The following NTM variants were observed in gnomAD, a reference collection of about 807,000 sequenced individuals.
The protein encoded by NTM is neurotrimin, also known as IgLON family member 2.
A neutral mutation model predicts 42.1 loss-of-function variants in NTM; 13 were observed. The ratio of observed to expected loss-of-function variants is 0.31; its 90% CI spans 0.20 to 0.49. NTM has a LOEUF of 0.49. Among genes scored for constraint, NTM ranks in the 20% least tolerant of loss-of-function variants. NTM has a pLI of 0.99. For synonymous variants in NTM, 187 were observed against 179.2 expected (o/e 1.04, Z -0.35); for missense variants, 373 against 452.8 (o/e 0.82, Z 1.60).
At chr11:131,795,572 G>A (rs1333254156) in intron 1 of NTM, 4 of 985,284 alleles carry the variant, frequency 4.1e-6, no homozygotes, top group African/African-American at 3.5e-5. Flanking sequence ...TTTGCATAAC[G>A]GGAGTCCCCG....
chr11:131,635,267 C>A (rs1309076371), intron 1 of NTM, among the ~76,000 whole-genome samples: 1 of 152,236 alleles, frequency 6.6e-6, no homozygotes, highest in East Asian at 1.9e-4. Context: ...CAGAATAAGG[C>A]ATTGCTATCA....
At chr11:131,576,351 C>T (rs1226866492) in intron 1 of NTM, among the ~76,000 whole-genome samples, 2 of 152,178 alleles carry the variant, frequency 1.3e-5, no homozygotes, top group Non-Finnish European at 2.9e-5. Context: ...TCTAAATGCA[C>T]AGAAGATAAA....
At chr11:132,054,596 G>A (rs1322721656) in intron 2 of NTM, among the ~76,000 whole-genome samples, 2 of 152,202 alleles carry the variant, frequency 1.3e-5, no homozygotes, top group Admixed American at 6.5e-5. Flanking sequence ...AGGAATGTCA[G>A]CATCTTCTTG....
chr11:131,633,616 TCTCC>T (rs1223285308), intron 1 of NTM, among the ~76,000 whole-genome samples: 1 of 41,994 alleles, frequency 2.4e-5, no homozygotes, highest in African/African-American at 7.4e-5. Flanking sequence ...TCTCTCACTC[TCTCC>T]CTCTCTCTAT....
chr11:132,132,234 G>A (rs1673484607), intron 2 of NTM, among the ~76,000 whole-genome samples: 1 of 152,140 alleles, frequency 6.6e-6, no homozygotes, highest in African/African-American at 2.4e-5. Flanking sequence ...ACAGCAGAGT[G>A]AAGGAAAACA....
chr11:131,503,974 G>T (rs2047165935), intron 1 of NTM, among the ~76,000 whole-genome samples: 1 of 152,114 alleles, frequency 6.6e-6, no homozygotes, highest in Non-Finnish European at 1.5e-5. Context: ...GTGCTTTAAG[G>T]CCAGGCGGGT....
intron 1 of NTM, among the ~76,000 whole-genome samples, chr11:131,545,621 T>A (rs2053830555): frequency 3.9e-5 from 6 of 152,152 alleles, no homozygotes; most frequent in Admixed American, 3.9e-4. Context: ...CAAGCCATAC[T>A]GAATCAACAA....
At chr11:131,633,270 T>C (rs917508300) in intron 1 of NTM, among the ~76,000 whole-genome samples, 1 of 152,218 alleles carries the variant, frequency 6.6e-6, no homozygotes, top group Admixed American at 6.5e-5. Flanking sequence ...ACCAAACCTC[T>C]GTCGATGATT....
intron 1 of NTM, among the ~76,000 whole-genome samples, chr11:131,408,112 C>T (rs893236003): frequency 6.6e-6 from 1 of 152,166 alleles, no homozygotes; most frequent in Non-Finnish European, 1.5e-5. Context: ...CCAGGCCTCC[C>T]CTAAACTAAA....
intron 1 of NTM, among the ~76,000 whole-genome samples, chr11:131,820,277 G>T (rs2093129925): frequency 6.6e-6 from 1 of 151,960 alleles, no homozygotes; most frequent in Non-Finnish European, 1.5e-5. Flanking sequence ...TCTGCTTCTG[G>T]AAACCCTCTG....
intron 1 of NTM, among the ~76,000 whole-genome samples, chr11:131,407,217 G>A (rs1945896585): frequency 6.6e-6 from 1 of 152,156 alleles, no homozygotes; most frequent in Admixed American, 6.5e-5. Context: ...AGAAACCCAA[G>A]GCTCTCAGGA....
chr11:131,490,537 G>C (rs1398182445), intron 1 of NTM, among the ~76,000 whole-genome samples: 1 of 152,154 alleles, frequency 6.6e-6, no homozygotes, highest in African/African-American at 2.4e-5. Flanking sequence ...GCTGAATTCA[G>C]CTGGGTGCGC....
intron 1 of NTM, among the ~76,000 whole-genome samples, chr11:131,800,973 T>A (rs1224051237): frequency 2.0e-5 from 3 of 152,122 alleles, no homozygotes; most frequent in Non-Finnish European, 4.4e-5. Context: ...GGAATTTGAT[T>A]CCGGTTATAG....
At chr11:131,589,552 A>T (rs1036779389) in intron 1 of NTM, among the ~76,000 whole-genome samples, 18 of 152,140 alleles carry the variant, frequency 1.2e-4, no homozygotes, top group African/African-American at 4.3e-4. Flanking sequence ...ATGAAACCAA[A>T]GTGTTTTTCT....
chr11:131,605,795 C>A (rs1372199221), intron 1 of NTM: 1 of 984,870 alleles, frequency 1.0e-6, no homozygotes, highest in Non-Finnish European at 1.2e-6. Context: ...TTGAAGTCAG[C>A]TTCAACAGTT....
intron 4 of NTM, among the ~76,000 whole-genome samples, chr11:132,274,594 A>G (rs912788949): frequency 1.3e-5 from 2 of 152,072 alleles, no homozygotes; most frequent in Non-Finnish European, 2.9e-5. Context: ...TTTTTCTGTT[A>G]CAGATTTCTA....
At chr11:131,789,688 G>A (rs1244741149) in intron 1 of NTM, among the ~76,000 whole-genome samples, 1 of 150,428 alleles carries the variant, frequency 6.6e-6, no homozygotes, top group Admixed American at 6.6e-5. Context: ...CGGGGGCGGT[G>A]GCTCTCGCCT....
intron 2 of NTM, among the ~76,000 whole-genome samples, chr11:132,042,300 C>T (rs2077309669): frequency 6.6e-6 from 1 of 152,172 alleles, no homozygotes; most frequent in Non-Finnish European, 1.5e-5. Context: ...AGAATGGCCC[C>T]ATTTCTAGAG....
Position 131,378,130 on chromosome 11 carries a change from C to T in NTM, c.82+7242C>T, listed in dbSNP as rs79319410. Among the ~76,000 whole-genome samples the T allele has an allele frequency of 8.7e-3, 1,327 of 152,264 alleles. 17 individuals carry two copies. The highest frequency in any genetic ancestry group is 0.03 in the African/African-American group (1,258 of 41,542). On this transcript the variant is annotated intron_variant, in intron 1 of 8. Transcript: ENST00000683400. ...TATCACAGACCAATTAAATCAGAAT[C>T]CCTTTGAATGGGACCCTACACTGAT...
Sources: gnomAD v4.1 joint callset for allele counts (sites outside exome capture counted in the v4.1 genomes callset) on GRCh38, gnomAD v4.1.1 for gene constraint, MANE v1.5 for transcripts, NCBI Gene and HGNC (gene_info 2026-07-23, HGNC 2026-07-21) for gene names.